Variants in ATP10B observed in about 807,000 individuals in gnomAD.
ATP10B encodes the protein ATPase phospholipid transporting 10B (putative), also known as phospholipid-transporting ATPase VB.
A neutral mutation model predicts 141.2 loss-of-function variants in ATP10B; 122 were observed. The ratio of observed to expected loss-of-function variants is 0.86; its 90% CI spans 0.75 to 1.00. The LOEUF is 1.00. Ranked by LOEUF, ATP10B falls within the 50% of genes least tolerant of loss-of-function variation. The pLI is 0.00. For synonymous variants in ATP10B, 685 were observed against 692.0 expected, an observed-to-expected ratio of 0.99 and a Z score of 0.16; for missense variants, 1,876 against 1,825.3, an observed-to-expected ratio of 1.03 and a Z score of -0.51.
the ATP10B span, among the ~76,000 whole-genome samples, chr5:160,898,685 C>CA: frequency 1.3e-5 from 2 of 152,148 alleles, no homozygotes; most frequent in East Asian, 3.9e-4. Flanking sequence ...ACTATAAAGA[C>CA]ACATGCACAC....
chr5:160,825,626 TTTAA>T (rs1177386043), intron 1 of ATP10B, among the ~76,000 whole-genome samples: 2 of 152,224 alleles, frequency 1.3e-5, no homozygotes, highest in Admixed American at 1.3e-4. Flanking sequence ...ACCAATGCCA[TTTAA>T]TTATTTCCTG....
intron 25 of ATP10B, among the ~76,000 whole-genome samples, chr5:160,568,396 A>C (rs1366068201): frequency 6.6e-6 from 1 of 152,202 alleles, no homozygotes; most frequent in Non-Finnish European, 1.5e-5. Context: ...AAACTTATTA[A>C]AGGAAGTAAG....
In ATP10B at chr5:160,569,514, A is replaced by G. The variant is rs763749427; in HGVS notation, c.3920T>C (p.Val1307Ala). The change falls in exon 25 of 26, where the codon GTT (valine) becomes GCT (alanine). Residue 1307 changes from valine (V) to alanine (A), a missense_variant. Coordinates refer to ENST00000327245, the MANE Select transcript of ATP10B (RefSeq NM_025153.3). The part of the protein sequence containing the change: ...TFYLVCFLTP[V>A]VALLPRYFFL... ...CTCAAACCTTGGGAGAAGAGCAACA[A>G]CTGGTGTGAGAAAGCAGACGAGGTA... is the stretch of plus-strand genomic sequence containing the variant. The G allele has an allele frequency of 5.1e-5, 82 of 1,613,800 alleles. No individual in the cohort carries two copies. The highest frequency in any genetic ancestry group is 6.8e-5 in the Non-Finnish European group (80 of 1,179,874).
chr5:160,583,391 C>A (rs1755676448), intron 24 of ATP10B, among the ~76,000 whole-genome samples: 3 of 152,172 alleles, frequency 2.0e-5, no homozygotes, highest in Non-Finnish European at 4.4e-5. Flanking sequence ...CTGGATATCA[C>A]CAGCAGAGGC....
intron 1 of ATP10B, among the ~76,000 whole-genome samples, chr5:160,832,734 T>C (rs1775176765): frequency 6.6e-6 from 1 of 151,984 alleles, no homozygotes. Context: ...CAAAAATACC[T>C]AAATATGATA....
At chr5:160,880,443 T>C in the ATP10B span, among the ~76,000 whole-genome samples, 13 of 152,142 alleles carry the variant, frequency 8.5e-5, no homozygotes, top group East Asian at 2.5e-3. Context: ...ATCAACAAAC[T>C]AAGTTTACGT....
chr5:160,886,027 T>G, the ATP10B span, among the ~76,000 whole-genome samples: 1 of 152,206 alleles, frequency 6.6e-6, no homozygotes, highest in East Asian at 1.9e-4. Context: ...CAGTAGAAAT[T>G]TGAAAATCAC....
chr5:160,593,860 G>A (rs1374746162), intron 22 of ATP10B, among the ~76,000 whole-genome samples: 1 of 152,132 alleles, frequency 6.6e-6, no homozygotes, highest in Non-Finnish European at 1.5e-5. Context: ...AACAAACAAA[G>A]CCTCCAAGAA....
the ATP10B span, among the ~76,000 whole-genome samples, chr5:160,894,129 G>A: frequency 1.1e-4 from 17 of 152,082 alleles, no homozygotes; most frequent in Non-Finnish European, 1.6e-4. Flanking sequence ...AAACCAGAAC[G>A]CGCCTCTTCT....
intron 3 of ATP10B, among the ~76,000 whole-genome samples, chr5:160,704,709 T>C (rs1197091168): frequency 6.6e-6 from 1 of 151,848 alleles, no homozygotes. Flanking sequence ...TTGTCTACAT[T>C]AAAAACTCAT....
intron 23 of ATP10B, 54 bp from the exon 24 acceptor site, chr5:160,589,750 G>T (rs1581161561): frequency 7.4e-7 from 1 of 1,354,288 alleles, no homozygotes; most frequent in Admixed American, 1.7e-5. Flanking sequence ...ACTAACTTTG[G>T]CTTTGACACA....
At chr5:160,685,131 G>A (rs533825171) in intron 6 of ATP10B, 2 of 700,984 alleles carry the variant, frequency 2.9e-6, no homozygotes, top group East Asian at 5.4e-5. Context: ...GGTTCTCTTT[G>A]TGAGACCATC....
At chr5:160,721,345 A>G (rs1309616448) in intron 2 of ATP10B, among the ~76,000 whole-genome samples, 1 of 152,206 alleles carries the variant, frequency 6.6e-6, no homozygotes, top group Non-Finnish European at 1.5e-5. Flanking sequence ...TAGTACTGCC[A>G]CATCAGGGCT....
chr5:160,829,626 G>T (rs566918906), intron 1 of ATP10B, among the ~76,000 whole-genome samples: 1 of 152,126 alleles, frequency 6.6e-6, no homozygotes, highest in African/African-American at 2.4e-5. Context: ...TGTCATCTCT[G>T]ATTTCTTCCA....
At chr5:160,789,828 G>A (rs568779737) in intron 1 of ATP10B, among the ~76,000 whole-genome samples, 25 of 152,262 alleles carry the variant, frequency 1.6e-4, no homozygotes, top group Admixed American at 4.6e-4. Flanking sequence ...GCCCAGCAGG[G>A]GGTTGGGGAT....
chr5:160,622,638 A>G (rs1249446235), intron 13 of ATP10B, 53 bp from the exon 14 acceptor site: 41 of 1,505,410 alleles, frequency 2.7e-5, no homozygotes, highest in Non-Finnish European at 3.6e-5. Context: ...AGCCCACTCC[A>G]GAAGAATCTT....
At position 160,565,566 on chromosome 5, in the gene ATP10B, C is replaced by T. The variant is rs1180562316; in HGVS notation, c.4273G>A (p.Glu1425Lys). 1.2e-6 allele frequency: 2 copies of T among 1,613,980 alleles called. No individual in the cohort carries two copies. The highest frequency in any genetic ancestry group is 8.5e-7 in the Non-Finnish European group (1 of 1,179,982). ...ATCCTGTTAGGTCCCAGCAGGTGCTCCCCGGATGAGAGTTGAGCTGAGGAG... is the reference window on the plus strand; with the variant it reads ...ATCCTGTTAGGTCCCAGCAGGTGCTTCCCGGATGAGAGTTGAGCTGAGGAG... The part of the protein sequence containing the change: ...GDSSAQLSSG[E>K]HLLGPNRIMA... The change falls in exon 26 of 26, where the codon GAG becomes AAG. Residue 1425 changes from glutamate (E) to lysine (K), a missense_variant. Transcript: ENST00000327245.
chr5:160,912,029 A>G, the ATP10B span, among the ~76,000 whole-genome samples: 2 of 152,112 alleles, frequency 1.3e-5, no homozygotes, highest in Non-Finnish European at 2.9e-5. Context: ...TAAAACCACT[A>G]CTAAGGAGCT....
At chr5:160,763,290 C>T (rs937660733) in intron 2 of ATP10B, among the ~76,000 whole-genome samples, 1 of 152,146 alleles carries the variant, frequency 6.6e-6, no homozygotes, top group East Asian at 1.9e-4. Context: ...GAACATTCTC[C>T]AAGATAGACC....
Sources: allele counts gnomAD v4.1 joint callset (sites outside exome capture counted in the v4.1 genomes callset), GRCh38; gene constraint gnomAD v4.1.1; transcripts MANE v1.5; gene names NCBI Gene and HGNC (gene_info 2026-07-23, HGNC 2026-07-21).